ENTPD6: variants seen among roughly 807,000 people sequenced by gnomAD.
The protein encoded by ENTPD6 is CD39 antigen-like 2.
Under a neutral mutation model 61.5 loss-of-function variants are expected in ENTPD6, and 46 were observed. The observed-to-expected ratio is 0.75, with a 90% CI of 0.59 to 0.96. The LOEUF is 0.96. ENTPD6 is among the 40% of genes least tolerant of loss of function. The pLI is 0.00. For missense variants in ENTPD6, 612 were observed against 629.0 expected (o/e 0.97, Z 0.29); for synonymous variants, 252 against 255.5 (o/e 0.99, Z 0.13).
intron 7 of ENTPD6, 101 bp downstream of exon 7, chr20:25,215,812 A>G (rs1046247270): frequency 1.6e-6 from 2 of 1,273,896 alleles, no homozygotes; most frequent in Admixed American, 3.4e-5. Flanking sequence ...GCTCTTTAAG[A>G]TAACCCCTCA....
intron 4 of ENTPD6, among the ~76,000 whole-genome samples, chr20:25,212,218 G>C (rs957059934): frequency 6.6e-6 from 1 of 152,210 alleles, no homozygotes; most frequent in African/African-American, 2.4e-5. Flanking sequence ...CACTGACATA[G>C]GACCTTATCC....
At chr20:25,219,030 T>A (rs969424616) in intron 10 of ENTPD6, among the ~76,000 whole-genome samples, 3 of 152,204 alleles carry the variant, frequency 2.0e-5, no homozygotes, top group Admixed American at 2.0e-4. Context: ...TACAGATGTG[T>A]ACCACCACGC....
chr20:25,215,039 C>G, intron 6 of ENTPD6, 97 bp downstream of exon 6: 1 of 801,890 alleles, frequency 1.2e-6, no homozygotes, highest in South Asian at 1.4e-5. Context: ...CCTCCCCGCC[C>G]CATGTGGGAG....
chr20:25,209,610 A>C (rs1004834895), intron 3 of ENTPD6, among the ~76,000 whole-genome samples: 3 of 150,812 alleles, frequency 2.0e-5, no homozygotes, highest in Non-Finnish European at 4.4e-5. Flanking sequence ...AATAAATAAT[A>C]ATTTTAAAAA....
chr20:25,208,926 A>AT lies in ENTPD6; in HGVS notation c.377-915dup, dbSNP rs1234356642. ...GATTTTTATTTTTTATTTTATTTTTATTTTTTTTGAGACGGAGTCTCGCTC... is the reference window on the plus strand; with the variant it reads ...GATTTTTATTTTTTATTTTATTTTTATTTTTTTTTGAGACGGAGTCTCGCTC... On this transcript the variant is annotated intron_variant, in intron 3 of 14. Coordinates refer to ENST00000376652, the MANE Select transcript of ENTPD6 (RefSeq NM_001247.5). 4.0e-5 allele frequency among the ~76,000 whole-genome samples: 6 copies of AT among 151,336 alleles called. 1 individual carries two copies. The highest frequency in any genetic ancestry group is 4.2e-4 in the South Asian group (2 of 4,786).
At chr20:25,219,052 TTG>T (rs2092504809) in intron 10 of ENTPD6, among the ~76,000 whole-genome samples, 1 of 152,232 alleles carries the variant, frequency 6.6e-6, no homozygotes, top group Admixed American at 6.5e-5. Flanking sequence ...CAGCTAATTT[TTG>T]TGTTTTTAGT....
intron 10 of ENTPD6, among the ~76,000 whole-genome samples, chr20:25,218,834 G>C (rs943645942): frequency 6.6e-6 from 1 of 152,308 alleles, no homozygotes; most frequent in Middle Eastern, 3.4e-3. Context: ...CACCCTGATG[G>C]GGCAGGAACC....
intron 1 of ENTPD6, among the ~76,000 whole-genome samples, chr20:25,198,628 T>G (rs1011574440): frequency 6.6e-6 from 1 of 152,220 alleles, no homozygotes; most frequent in Admixed American, 6.5e-5. Flanking sequence ...AATTAAACAT[T>G]TGATGATTAC....
intron 3 of ENTPD6, among the ~76,000 whole-genome samples, chr20:25,209,197 C>T (rs1048803636): frequency 6.6e-6 from 1 of 151,554 alleles, no homozygotes; most frequent in African/African-American, 2.4e-5. Context: ...GCAAGCTCCG[C>T]CCCCCGGGTT....
chr20:25,222,950 C>T lies in ENTPD6; in HGVS notation c.1158C>T (p.Tyr386=), dbSNP rs769540342. Residue 386 remains tyrosine (Y), a synonymous_variant, in exon 12 of 15, where the codon TAC becomes TAT. Transcript: ENST00000376652. ...ACTTCTATGCTTTCTCCTACTATTA[C>T]GACCTTGCAGCTGGTGTGGGCCTCA... The part of the protein sequence containing the change: ...HVDFYAFSYY[Y]DLAAGVGLID... 33 of 1,613,590 alleles carry T rather than the reference C, an allele frequency of 2.0e-5. No individual in the cohort carries two copies. Among genetic ancestry groups the T allele is most frequent in the South Asian group, 1.1e-4 (10 of 91,064 alleles).
At chr20:25,196,009 G>A in intron 1 of ENTPD6, 142 bp downstream of exon 1, 2 of 843,360 alleles carry the variant, frequency 2.4e-6, no homozygotes, top group Non-Finnish European at 3.2e-6. Flanking sequence ...CTGCCTTCCT[G>A]TCCAGGCTCC....
intron 4 of ENTPD6, among the ~76,000 whole-genome samples, chr20:25,212,888 G>A (rs745889943): frequency 1.7e-4 from 26 of 152,132 alleles, no homozygotes; most frequent in Non-Finnish European, 7.4e-5. Flanking sequence ...TGTATTTTTA[G>A]TAGAAACGTG....
chr20:25,205,444 A>G (rs2091399163), intron 1 of ENTPD6, among the ~76,000 whole-genome samples: 1 of 152,116 alleles, frequency 6.6e-6, no homozygotes, highest in Admixed American at 6.5e-5. Flanking sequence ...TAGGGGCAGA[A>G]GAAGGCACTG....
rs560906199 is a variant in ENTPD6 at position 25,213,817 on chromosome 20, G to A, written c.597+411G>A. Among the ~76,000 whole-genome samples the A allele has an allele frequency of 2.0e-5, 3 of 152,294 alleles. No individual in the cohort carries two copies. The East Asian group carries it at 5.8e-4, about 29-fold the overall frequency. The stretch of plus-strand genomic sequence containing the variant: ...ACACAAAAATTAGCTGGGCATTGTG[G>A]CGCATGCCTGTCATCCCAGTTACTT... On this transcript the variant is annotated intron_variant, in intron 5 of 14. Transcript: ENST00000376652.
At chr20:25,196,907 A>G (rs1184365479) in intron 1 of ENTPD6, among the ~76,000 whole-genome samples, 5 of 152,044 alleles carry the variant, frequency 3.3e-5, no homozygotes, top group African/African-American at 1.2e-4. Context: ...GTTCGGGTAA[A>G]GGACCAGGGA....
At chr20:25,219,038 C>T (rs1178736149) in intron 10 of ENTPD6, among the ~76,000 whole-genome samples, 1 of 152,206 alleles carries the variant, frequency 6.6e-6, no homozygotes, top group African/African-American at 2.4e-5. Flanking sequence ...TGTACCACCA[C>T]GCCCAGCTAA....
rs1262914739 is a variant in ENTPD6 at position 25,217,523 on chromosome 20, C to T, written c.820C>T (p.Pro274Ser). 3.7e-6 allele frequency: 6 copies of T among 1,614,182 alleles called. No individual in the cohort carries two copies. The highest frequency in any genetic ancestry group is 1.3e-5 in the African/African-American group (1 of 75,052). ...CCAGGGCACCCTGCAGGCCTCCCCACCCGGCTACCTGACGGCACTGCGGAT... is the reference window on the plus strand; with the variant it reads ...CCAGGGCACCCTGCAGGCCTCCCCATCCGGCTACCTGACGGCACTGCGGAT... Reference protein sequence around the residue: ...RVEGTLQASPPGYLTALRMFN... With the variant: ...RVEGTLQASPSGYLTALRMFN... Residue 274 changes from proline (P) to serine (S), a missense_variant, in exon 9 of 15, where the codon CCC becomes TCC. Coordinates refer to ENST00000376652, the MANE Select transcript of ENTPD6 (RefSeq NM_001247.5).
At chr20:25,196,355 G>C (rs2090408927) in intron 1 of ENTPD6, 1 of 498,462 alleles carries the variant, frequency 2.0e-6, no homozygotes, top group African/African-American at 2.1e-5. Flanking sequence ...GGGCGGTTCT[G>C]CCCGAGCTGA....
At chr20:25,225,352 T>C (rs1193185379) in intron 14 of ENTPD6, 35 bp downstream of exon 14, 1 of 1,610,280 alleles carries the variant, frequency 6.2e-7, no homozygotes, top group African/African-American at 1.3e-5. Flanking sequence ...CCAGCCCCTT[T>C]ATGGAGTGAG....
Sources: gnomAD v4.1 joint callset for allele counts (sites outside exome capture counted in the v4.1 genomes callset) on GRCh38, gnomAD v4.1.1 for gene constraint, MANE v1.5 for transcripts, NCBI Gene and HGNC (gene_info 2026-07-23, HGNC 2026-07-21) for gene names.